Variants in SESTD1 observed in about 807,000 individuals in gnomAD.
The protein encoded by SESTD1 is SEC14 domain and spectrin repeat-containing protein 1.
A neutral mutation model predicts 101.7 loss-of-function variants in SESTD1; 43 were observed. That is an observed-to-expected ratio of 0.42 (90% CI 0.33 to 0.55). The LOEUF (loss-of-function observed/expected upper bound fraction) is 0.55. Ranked by LOEUF, SESTD1 falls within the 20% of genes least tolerant of loss-of-function variation. SESTD1 has a pLI of 0.07. For missense variants in SESTD1, 647 were observed against 815.1 expected, an observed-to-expected ratio of 0.79 and a Z score of 2.51; for synonymous variants, 283 against 286.8, an observed-to-expected ratio of 0.99 and a Z score of 0.13.
At chr2:179,172,085 AT>A (rs1233115260) in intron 5 of SESTD1, 34 bp downstream of exon 5, 1 of 1,308,786 alleles carries the variant, frequency 7.6e-7, no homozygotes, top group Admixed American at 1.8e-5. Flanking sequence ...ATTTTTAAAG[AT>A]ATAATGGACT....
At chr2:179,223,532 T>C (rs2046842372) in intron 1 of SESTD1, among the ~76,000 whole-genome samples, 1 of 152,148 alleles carries the variant, frequency 6.6e-6, no homozygotes, top group East Asian at 1.9e-4. Flanking sequence ...ATGTACACTT[T>C]ATTAAGATAT....
chr2:179,154,144 G>C (rs2105453574), intron 5 of SESTD1, among the ~76,000 whole-genome samples: 2 of 151,544 alleles, frequency 1.3e-5, no homozygotes, highest in Admixed American at 1.3e-4. Flanking sequence ...GAAGCAGAAG[G>C]ACCACTTGTT....
chr2:179,217,466 A>T (rs1289704573), intron 1 of SESTD1, among the ~76,000 whole-genome samples: 1 of 152,254 alleles, frequency 6.6e-6, no homozygotes, highest in Non-Finnish European at 1.5e-5. Flanking sequence ...CGATTATTAA[A>T]AATCAGGAAA....
rs113025219 is a variant in SESTD1, at chr2:179,244,291, T to C, written c.-26+20208A>G. Among the ~76,000 whole-genome samples the C allele has an allele frequency of 2.2e-3, 328 of 151,752 alleles. 6 individuals carry two copies. The highest frequency in any genetic ancestry group is 7.6e-3 in the African/African-American group (314 of 41,428). On this transcript the variant is annotated intron_variant, in intron 1 of 17. Coordinates refer to ENST00000428443, the MANE Select transcript of SESTD1 (RefSeq NM_178123.5). Reference sequence around the variant, plus strand: ...GGCCAACATGGTGAAACCCCGTCTCTTACTAAAAATACAAAAAATTAGCCA... The same window carrying C: ...GGCCAACATGGTGAAACCCCGTCTCCTACTAAAAATACAAAAAATTAGCCA...
intron 7 of SESTD1, among the ~76,000 whole-genome samples, chr2:179,147,150 G>A (rs115594418): frequency 0.034 from 4,000 of 117,878 alleles, 85 homozygotes; most frequent in Admixed American, 0.038. Context: ...TTGACATAAA[G>A]AAGGTTGAAA....
intron 1 of SESTD1, among the ~76,000 whole-genome samples, chr2:179,247,050 T>C (rs975342451): frequency 3.3e-5 from 5 of 152,208 alleles, no homozygotes; most frequent in Admixed American, 3.3e-4. Flanking sequence ...TGGGCACATA[T>C]TCTTTTATTA....
intron 1 of SESTD1, among the ~76,000 whole-genome samples, chr2:179,212,788 C>T (rs148162730): frequency 0.075 from 10,085 of 134,408 alleles, 2,233 homozygotes; most frequent in South Asian, 0.15. Flanking sequence ...ACGAAGCTTC[C>T]GGAGGAAGGA....
chr2:179,160,960 C>G (rs191167250), intron 5 of SESTD1, among the ~76,000 whole-genome samples: 1 of 151,964 alleles, frequency 6.6e-6, no homozygotes, highest in East Asian at 1.9e-4. Flanking sequence ...GAGACAGGGT[C>G]TCTCTCTGGC....
At chr2:179,243,944 G>GTGTATA (rs1336956380) in intron 1 of SESTD1, among the ~76,000 whole-genome samples, 140 of 139,392 alleles carry the variant, frequency 1.0e-3, no homozygotes, top group African/African-American at 3.7e-3. Flanking sequence ...ATATGTGTGT[G>GTGTATA]TATATATATA....
At chr2:179,154,080 C>CT (rs1553519542) in intron 5 of SESTD1, among the ~76,000 whole-genome samples, 1 of 60,760 alleles carries the variant, frequency 1.6e-5, no homozygotes, top group Non-Finnish European at 4.4e-5. Context: ...CCAATCTCTA[C>CT]AAAAAAAAAA....
chr2:179,248,889 T>C (rs1253902687), intron 1 of SESTD1, among the ~76,000 whole-genome samples: 1 of 147,738 alleles, frequency 6.8e-6, no homozygotes, highest in African/African-American at 2.5e-5. Context: ...AAGACCAACC[T>C]GGTCAACGTA....
At chr2:179,251,749 G>C (rs2047320397) in intron 1 of SESTD1, among the ~76,000 whole-genome samples, 1 of 152,162 alleles carries the variant, frequency 6.6e-6, no homozygotes, top group Non-Finnish European at 1.5e-5. Flanking sequence ...CCTTATAAAA[G>C]AAATCTGGAG....
intron 16 of SESTD1, 36 bp from the exon 17 acceptor site, chr2:179,112,881 C>A: frequency 6.3e-7 from 1 of 1,584,042 alleles, no homozygotes; most frequent in Non-Finnish European, 8.5e-7. Context: ...AATCAAGAGA[C>A]ACAGACAGGT....
intron 1 of SESTD1, among the ~76,000 whole-genome samples, chr2:179,192,341 C>T (rs1471512823): frequency 1.3e-5 from 2 of 152,270 alleles, no homozygotes; most frequent in African/African-American, 4.8e-5. Flanking sequence ...CTTTCCATTT[C>T]ACTATTAAAT....
Position 179,204,477 on chromosome 2 carries a change from T to C in SESTD1, c.-25-12611A>G, listed in dbSNP as rs1240409637. Among the ~76,000 whole-genome samples the C allele has an allele frequency of 1.5e-5, 2 of 134,778 alleles. 1 individual carries two copies. Among genetic ancestry groups the C allele is most frequent in the African/African-American group, 5.9e-5 (2 of 34,036 alleles). 88.4% of individuals were successfully genotyped at this position (134,778 alleles called of 152,430 possible). The stretch of plus-strand genomic sequence containing the variant: ...CGTAGAGCCAATCACTAATCAATGT[T>C]ATTTCTGTGAACCAATGAGAATTCC... On this transcript the variant is annotated intron_variant, in intron 1 of 17. Coordinates refer to ENST00000428443, the MANE Select transcript of SESTD1 (RefSeq NM_178123.5).
At chr2:179,161,916 CTA>C (rs1048126881) in intron 5 of SESTD1, among the ~76,000 whole-genome samples, 22 of 152,196 alleles carry the variant, frequency 1.4e-4, no homozygotes, top group South Asian at 1.2e-3. Context: ...ACACTGCATA[CTA>C]TGTTTTTTAC....
chr2:179,139,327 C>T (rs1432718831), intron 9 of SESTD1, among the ~76,000 whole-genome samples: 1 of 152,174 alleles, frequency 6.6e-6, no homozygotes, highest in Non-Finnish European at 1.5e-5. Flanking sequence ...ACAGTGACTC[C>T]TTCAAACTTC....
At position 179,209,536 on chromosome 2, in the gene SESTD1, GAATAA is replaced by G. The variant is rs1364052457; in HGVS notation, c.-25-17675_-25-17671del. 1.5e-5 allele frequency among the ~76,000 whole-genome samples: 2 copies of G among 134,848 alleles called. 1 individual carries two copies. The highest frequency in any genetic ancestry group is 3.2e-5 in the Non-Finnish European group (2 of 62,660). 88.5% of individuals were successfully genotyped at this position (134,848 alleles called of 152,430 possible). ...ATATCAAGTACTCTCTACTACAGTA[GAATAA>G]AATTGGAAATTAATTCCAAAAGGAA... is the stretch of plus-strand genomic sequence containing the variant. On this transcript the variant is annotated intron_variant, in intron 1 of 17. Transcript: ENST00000428443.
At chr2:179,235,354 T>C (rs1239747982) in intron 1 of SESTD1, among the ~76,000 whole-genome samples, 1 of 152,176 alleles carries the variant, frequency 6.6e-6, no homozygotes, top group Non-Finnish European at 1.5e-5. Context: ...AAAAAGTTAA[T>C]ATTAGGAGAA....
Sources: gnomAD v4.1 joint callset for allele counts (sites outside exome capture counted in the v4.1 genomes callset) on GRCh38, gnomAD v4.1.1 for gene constraint, MANE v1.5 for transcripts, NCBI Gene and HGNC (gene_info 2026-07-23, HGNC 2026-07-21) for gene names.